Variants in GNAO1 observed in about 807,000 individuals in gnomAD.
The protein encoded by GNAO1 is G protein subunit alpha o1, also known as guanine nucleotide-binding protein G(o) subunit alpha.
For synonymous variants in GNAO1, 164 were observed against 180.7 expected, an observed-to-expected ratio of 0.91 and a Z score of 0.74; for missense variants, 166 against 478.7, an observed-to-expected ratio of 0.35 and a Z score of 6.10.
chr16:56,213,189 CAA>C (rs554503770), intron 2 of GNAO1: 112 of 397,464 alleles, frequency 2.8e-4, no homozygotes, highest in African/African-American at 2.1e-3. Context: ...AGCCTTTACA[CAA>C]AAGTGTTTGA....
intron 3 of GNAO1, among the ~76,000 whole-genome samples, chr16:56,285,200 G>C (rs577050947): frequency 4.6e-5 from 7 of 152,220 alleles, no homozygotes; most frequent in Non-Finnish European, 1.0e-4. Flanking sequence ...ACTGCAAGCG[G>C]TGATGCCTTG....
intron 2 of GNAO1, among the ~76,000 whole-genome samples, chr16:56,195,881 G>A (rs1238631446): frequency 1.3e-5 from 2 of 152,172 alleles, no homozygotes; most frequent in Admixed American, 1.3e-4. Flanking sequence ...TGAAGAAACT[G>A]GCTTCCATAT....
intron 3 of GNAO1, among the ~76,000 whole-genome samples, chr16:56,284,032 G>T (rs980489170): frequency 1.3e-5 from 2 of 152,184 alleles, no homozygotes; most frequent in African/African-American, 2.4e-5. Context: ...ATCTCAGCAG[G>T]CTGCTTCCAG....
At chr16:56,266,497 TC>T (rs1302763100) in intron 2 of GNAO1, among the ~76,000 whole-genome samples, 2 of 152,146 alleles carry the variant, frequency 1.3e-5, no homozygotes, top group African/African-American at 4.8e-5. Flanking sequence ...AGCCAGTCAT[TC>T]AAAACATGGA....
chr16:56,259,969 A>G (rs1235211208), intron 2 of GNAO1, among the ~76,000 whole-genome samples: 2 of 152,178 alleles, frequency 1.3e-5, no homozygotes, highest in East Asian at 1.9e-4. Context: ...TAAAGTGGAG[A>G]GCTCTTGAGA....
intron 2 of GNAO1, among the ~76,000 whole-genome samples, chr16:56,233,798 C>T (rs182772498): frequency 1.3e-5 from 2 of 152,304 alleles, no homozygotes; most frequent in Non-Finnish European, 2.9e-5. Context: ...CCCTTGGCCA[C>T]CTTGACACTC....
chr16:56,324,328 G>A (rs962547527), intron 3 of GNAO1, among the ~76,000 whole-genome samples: 2 of 152,184 alleles, frequency 1.3e-5, no homozygotes, highest in South Asian at 4.1e-4. Context: ...CAGGTCCAGG[G>A]AAGGTCTTGC....
intron 3 of GNAO1, chr16:56,300,946 G>A (rs551045242): frequency 3.3e-5 from 5 of 152,206 alleles, no homozygotes; most frequent in African/African-American, 9.7e-5. Flanking sequence ...AAGTTCCAGC[G>A]AGCAAGTTTT....
Position 56,275,970 on chromosome 16 carries a change from A to G in GNAO1, c.201A>G (p.Lys67=), listed in dbSNP as rs2143520908. 1.9e-6 allele frequency: 3 copies of G among 1,613,708 alleles called. No homozygotes were observed. The highest frequency in any genetic ancestry group is 2.5e-6 in the Non-Finnish European group (3 of 1,179,842). ...HEDGFSGEDV[K]QYKPVVYSNT... is the part of the protein sequence containing the mutation. ...ATGGCTTCTCCGGAGAAGACGTGAA[A>G]CAGTACAAGCCTGTTGTCTACAGCA... Residue 67 remains lysine, a synonymous_variant, in exon 3 of 9, where the codon AAA becomes AAG. Transcript: ENST00000262493.
intron 3 of GNAO1, among the ~76,000 whole-genome samples, chr16:56,277,776 T>TACACACACAC (rs60891936): frequency 9.1e-4 from 99 of 108,200 alleles, no homozygotes; most frequent in African/African-American, 1.9e-3. Context: ...GCACACCCCC[T>TACACACACAC]ACACACACAC....
chr16:56,221,706 A>G (rs2036490966), intron 2 of GNAO1, among the ~76,000 whole-genome samples: 1 of 151,242 alleles, frequency 6.6e-6, no homozygotes, highest in Non-Finnish European at 1.5e-5. Flanking sequence ...TGATGAAATT[A>G]TAGTCTTGTT....
chr16:56,201,864 C>G lies in GNAO1; in HGVS notation c.161+9248C>G, dbSNP rs139111772. Among the ~76,000 whole-genome samples, 66 of 152,200 alleles carry G rather than the reference C, an allele frequency of 4.3e-4. 2 individuals are homozygous for G. In the East Asian group the frequency reaches 0.012, roughly 28 times the overall value. On this transcript the variant is annotated intron_variant, in intron 2 of 8. Coordinates refer to ENST00000262493, the MANE Select transcript of GNAO1 (RefSeq NM_020988.3). Reference sequence around the variant, plus strand: ...TGATGACTGCATTTGGTCATGTTGACGATTCTTGTGGATCATCTGAGTGCA... The same window carrying G: ...TGATGACTGCATTTGGTCATGTTGAGGATTCTTGTGGATCATCTGAGTGCA...
At position 56,355,002 on chromosome 16, in the gene GNAO1, C is replaced by T. The variant is rs369818930; in HGVS notation, c.1014C>T (p.Ala338=). 29 of 1,613,524 alleles carry T rather than the reference C, an allele frequency of 1.8e-5. No homozygotes were observed. The highest frequency in any genetic ancestry group is 2.4e-5 in the Non-Finnish European group (28 of 1,179,668). The change falls in exon 8 of 9, where the codon GCC becomes GCT. Residue 338 remains alanine (A), a synonymous_variant. Transcript: ENST00000262493. ...ATAACATCCAGGTGGTGTTCGACGC[C>T]GTCACCGACATCATCATTGCCAACA... ...DTNNIQVVFD[A]VTDIIIANNL... is the part of the protein sequence containing the mutation.
chr16:56,220,862 C>T (rs1440474398), intron 2 of GNAO1, among the ~76,000 whole-genome samples: 5 of 152,128 alleles, frequency 3.3e-5, no homozygotes, highest in Non-Finnish European at 5.9e-5. Flanking sequence ...ATTCTTCTGC[C>T]TCAGCCACCT....
intron 3 of GNAO1, among the ~76,000 whole-genome samples, chr16:56,295,774 A>T (rs1306317911): frequency 6.6e-6 from 1 of 152,102 alleles, no homozygotes; most frequent in Non-Finnish European, 1.5e-5. Context: ...TCTTCCTCCC[A>T]ATATTCCACC....
intron 2 of GNAO1, among the ~76,000 whole-genome samples, chr16:56,263,723 G>A (rs1346269401): frequency 1.3e-5 from 2 of 152,222 alleles, no homozygotes; most frequent in African/African-American, 2.4e-5. Flanking sequence ...CAAAGATGTA[G>A]ACGTAGACAT....
chr16:56,213,415 A>G, intron 2 of GNAO1: 1 of 398,408 alleles, frequency 2.5e-6, no homozygotes, highest in Non-Finnish European at 4.4e-6. Flanking sequence ...ACATAGTAGT[A>G]TTATACATCA....
In GNAO1 at chr16:56,285,866, G is replaced by A. The variant is rs180853316; in HGVS notation, c.303+9794G>A. On this transcript the variant is annotated intron_variant, in intron 3 of 8. Coordinates refer to ENST00000262493, the MANE Select transcript of GNAO1 (RefSeq NM_020988.3). ...TTTCACTGTGAGAGATCTCTCTCCCGACTATGTCTGGGACCTCATTTGGTC... is the reference window on the plus strand; with the variant it reads ...TTTCACTGTGAGAGATCTCTCTCCCAACTATGTCTGGGACCTCATTTGGTC... Among the ~76,000 whole-genome samples, 401 of 152,312 alleles carry A rather than the reference G, an allele frequency of 2.6e-3. 1 individual carries two copies. The highest frequency in any genetic ancestry group is 0.013 in the South Asian group (61 of 4,826).
chr16:56,330,525 T>C (rs1425131287), intron 4 of GNAO1, among the ~76,000 whole-genome samples: 1 of 152,046 alleles, frequency 6.6e-6, no homozygotes, highest in African/African-American at 2.4e-5. Flanking sequence ...TGAGAAGTAA[T>C]CTTCCTACTC....
Sources: allele counts gnomAD v4.1 joint callset (sites outside exome capture counted in the v4.1 genomes callset), GRCh38; gene constraint gnomAD v4.1.1; transcripts MANE v1.5; gene names NCBI Gene and HGNC (gene_info 2026-07-23, HGNC 2026-07-21).